Variants in C4BPB observed in about 807,000 individuals in gnomAD.
C4BPB encodes complement component 4 binding protein beta, also known as C4b-binding protein beta chain.
In C4BPB, 19 loss-of-function variants were observed where a neutral mutation model predicts 26.6. That is an observed-to-expected ratio of 0.71 (90% CI 0.50 to 1.05). The LOEUF (loss-of-function observed/expected upper bound fraction) is 1.05, where lower values mean the gene tolerates loss of function less well. Among genes scored for constraint, C4BPB ranks in the 50% least tolerant of loss-of-function variants. C4BPB has a pLI of 0.00. For missense variants in C4BPB, 282 were observed against 302.9 expected, an observed-to-expected ratio of 0.93 and a Z score of 0.51; for synonymous variants, 118 against 103.5, an observed-to-expected ratio of 1.14 and a Z score of -0.85.
Position 207,091,672 on chromosome 1 carries a change from G to T in C4BPB, c.261G>T (p.Val87=). 6.2e-7 allele frequency: 1 copy of T among 1,614,006 alleles called. No homozygotes were observed. Among genetic ancestry groups the T allele is most frequent in the South Asian group, 1.1e-5 (1 of 91,070 alleles). Reference sequence around the variant, plus strand: ...GCCACTGTCCTGATCCTGTGCTGGTGAATGGAGAGTTCAGTTCTTCAGGGC... The same window carrying T: ...GCCACTGTCCTGATCCTGTGCTGGTTAATGGAGAGTTCAGTTCTTCAGGGC... ...RLGHCPDPVL[V]NGEFSSSGPV... is the part of the protein sequence containing the mutation. Residue 87 remains valine, a synonymous_variant, in exon 4 of 7, where the codon GTG becomes GTT. Coordinates refer to ENST00000367078, the MANE Select transcript of C4BPB (RefSeq NM_001017365.3).
At chr1:207,091,895 C>A in intron 4 of C4BPB, 75 bp downstream of exon 4, 1 of 1,257,174 alleles carries the variant, frequency 8.0e-7, no homozygotes, top group Non-Finnish European at 1.1e-6. Context: ...TGCCACATCC[C>A]TGGGATGCTT....
At position 207,089,581 on chromosome 1, in the gene C4BPB, C is replaced by T; in HGVS notation, c.50C>T (p.Ala17Val). The change falls in exon 2 of 7, where the codon GCT becomes GTT. Residue 17 changes from alanine (A) to valine (V), a missense_variant. Coordinates refer to ENST00000367078, the MANE Select transcript of C4BPB (RefSeq NM_001017365.3). The stretch of plus-strand genomic sequence containing the variant: ...CTTATGGTTGCGTGGCGAGTTTCTG[C>T]TTCAGATGGTACGTATGCTTTCCTT... ...CCLMVAWRVS[A>V]SDAEHCPELP... 1 of 1,613,988 alleles carries T rather than the reference C, an allele frequency of 6.2e-7. No individual in the cohort carries two copies. Among genetic ancestry groups the T allele is most frequent in the South Asian group, 1.1e-5 (1 of 91,082 alleles).
chr1:207,099,532 T>G (rs935052128), intron 6 of C4BPB, among the ~76,000 whole-genome samples: 5 of 152,208 alleles, frequency 3.3e-5, no homozygotes, highest in Admixed American at 1.3e-4. Flanking sequence ...GCTCCAAAAC[T>G]AAACAAACAA....
Position 207,099,899 on chromosome 1 carries a change from G to A in C4BPB, c.729G>A (p.Lys243=). The A allele has an allele frequency of 6.2e-7, 1 of 1,613,562 alleles. No individual in the cohort carries two copies. The highest frequency in any genetic ancestry group is 1.3e-5 in the African/African-American group (1 of 75,038). The part of the protein sequence containing the change: ...MEELKYSLEL[K]KAELKAKLL Reference sequence around the variant, plus strand: ...AGCTAAAATATTCTCTGGAGCTGAAGAAAGCTGAGTTGAAGGCAAAATTGT... The same window carrying A: ...AGCTAAAATATTCTCTGGAGCTGAAAAAAGCTGAGTTGAAGGCAAAATTGT... The change falls in exon 7 of 7, where the codon AAG becomes AAA. Residue 243 remains lysine (K), a synonymous_variant. Transcript: ENST00000367078.
intron 4 of C4BPB, among the ~76,000 whole-genome samples, chr1:207,092,062 C>G (rs554721415): frequency 3.9e-4 from 59 of 152,300 alleles, no homozygotes; most frequent in Non-Finnish European, 6.9e-4. Flanking sequence ...GGGGTCCTGT[C>G]CTACTAGGTG....
chr1:207,092,466 C>T (rs1305773376), intron 4 of C4BPB, among the ~76,000 whole-genome samples: 1 of 151,960 alleles, frequency 6.6e-6, no homozygotes, highest in Non-Finnish European at 1.5e-5. Context: ...TACACCAGTC[C>T]ATGTAGCTCT....
rs770649430 is a variant in C4BPB at position 207,098,279 on chromosome 1, C to T, written c.618+15C>T. On this transcript the variant is annotated intron_variant, in intron 6 of 6. Coordinates refer to ENST00000367078, the MANE Select transcript of C4BPB (RefSeq NM_001017365.3). ...AGAAGGCACTTGTAAGTAGGAGGCTCATATCTGTCTTGTTCACAGCTGGAT... is the reference window on the plus strand; with the variant it reads ...AGAAGGCACTTGTAAGTAGGAGGCTTATATCTGTCTTGTTCACAGCTGGAT... 2 of 1,462,458 alleles carry T rather than the reference C, an allele frequency of 1.4e-6. No homozygotes were observed. The highest frequency in any genetic ancestry group is 9.6e-7 in the Non-Finnish European group (1 of 1,041,804). 90.6% of individuals were successfully genotyped at this position (1,462,458 alleles called of 1,614,324 possible). A position where few individuals can be genotyped will look rare whatever the true frequency, so the allele number is the denominator to read the frequency against.
In C4BPB at chr1:207,091,658, G is replaced by A. The variant is rs1471899510; in HGVS notation, c.247G>A (p.Asp83Asn). 2 of 1,613,708 alleles carry A rather than the reference G, an allele frequency of 1.2e-6. No individual in the cohort carries two copies. Among genetic ancestry groups the A allele is most frequent in the Non-Finnish European group, 8.5e-7 (1 of 1,179,862 alleles). ...TTCTTCTTCAGTGGGCCACTGTCCT[G>A]ATCCTGTGCTGGTGAATGGAGAGTT... is the stretch of plus-strand genomic sequence containing the variant. The part of the protein sequence containing the change: ...TTECRLGHCP[D>N]PVLVNGEFSS... The change falls in exon 4 of 7, where the codon GAT (aspartate) becomes AAT (asparagine). Residue 83 changes from aspartate to asparagine, a missense_variant. By Grantham distance (23) the Asp-to-Asn change is conservative. Coordinates refer to ENST00000367078, the MANE Select transcript of C4BPB (RefSeq NM_001017365.3).
chr1:207,097,540 TA>T lies in C4BPB; in HGVS notation c.504-589del, dbSNP rs36078505. ...GCCTGGCCTAAAATGTATGTTTTTCTAAAAAAAAAAAAAAAAAAAAATCAGA... is the reference window on the plus strand; with the variant it reads ...GCCTGGCCTAAAATGTATGTTTTTCTAAAAAAAAAAAAAAAAAAAATCAGA... On this transcript the variant is annotated intron_variant, in intron 5 of 6. Coordinates refer to ENST00000367078, the MANE Select transcript of C4BPB (RefSeq NM_001017365.3). Among the ~76,000 whole-genome samples the T allele has an allele frequency of 7.7e-3, 890 of 115,850 alleles. 32 individuals are homozygous for T. The highest frequency in any genetic ancestry group is 0.066 in the Admixed American group (741 of 11,198). The allele number at this position is 115,850 out of a possible 152,430, so 76.0% of individuals were successfully genotyped here.
rs1683934143 is a variant in C4BPB at position 207,089,479 on chromosome 1, C to G, written c.-50-3C>G. 3 of 1,531,768 alleles carry G rather than the reference C, an allele frequency of 2.0e-6. No homozygotes were observed. Among genetic ancestry groups the G allele is most frequent in the Non-Finnish European group, 2.7e-6 (3 of 1,106,580 alleles). The allele number at this position is 1,531,768 out of a possible 1,614,324, so 94.9% of individuals were successfully genotyped here. On this transcript the variant is annotated splice_polypyrimidine_tract_variant and splice_region_variant and intron_variant, in intron 1 of 6. Coordinates refer to ENST00000367078, the MANE Select transcript of C4BPB (RefSeq NM_001017365.3). ...TTAGAAGATCTATTTTTTTTCAAAC[C>G]AGGTGTCTGAGCTGGGTGAATTCCA...
At position 207,091,651 on chromosome 1, in the gene C4BPB, C is replaced by T. The variant is rs150433138; in HGVS notation, c.240C>T (p.His80=). ...GCTTATTTTCTTCTTCAGTGGGCCA[C>T]TGTCCTGATCCTGTGCTGGTGAATG... ...DNTTTECRLG[H]CPDPVLVNGE... The change falls in exon 4 of 7, where the codon CAC becomes CAT. Residue 80 remains histidine (H), a synonymous_variant. Coordinates refer to ENST00000367078, the MANE Select transcript of C4BPB (RefSeq NM_001017365.3). 3.7e-6 allele frequency: 6 copies of T among 1,612,726 alleles called. No individual in the cohort carries two copies. In the African/African-American group the frequency reaches 8.0e-5, roughly 22 times the overall value.
At chr1:207,097,808 G>C (rs1684316988) in intron 5 of C4BPB, 1 of 179,994 alleles carries the variant, frequency 5.6e-6, no homozygotes, top group African/African-American at 2.4e-5. Flanking sequence ...CTCCTTTTTA[G>C]AGCTTAGATG....
chr1:207,097,690 T>G (rs1416148657), intron 5 of C4BPB: 1 of 164,292 alleles, frequency 6.1e-6, no homozygotes, highest in African/African-American at 2.4e-5. Context: ...TCTCGTTATA[T>G]ACCTTCAATG....
Position 207,089,418 on chromosome 1 carries a change from C to A in C4BPB, c.-50-64C>A, listed in dbSNP as rs990678935. ...AGGGTAAATCAATATAACCTCTTCT[C>A]TAGAGAGGAGGTGGTTAGGTTGGTC... On this transcript the variant is annotated intron_variant, in intron 1 of 6. Coordinates refer to ENST00000367078, the MANE Select transcript of C4BPB (RefSeq NM_001017365.3). 4.5e-5 allele frequency: 37 copies of A among 822,644 alleles called. No homozygotes were observed. In the Admixed American group the frequency reaches 5.1e-4, roughly 11 times the overall value. The allele number at this position is 822,644 out of a possible 1,614,324, so 51.0% of individuals were successfully genotyped here.
intron 3 of C4BPB, among the ~76,000 whole-genome samples, chr1:207,090,706 T>A (rs908276866): frequency 1.3e-5 from 2 of 152,218 alleles, no homozygotes; most frequent in Admixed American, 6.5e-5. Flanking sequence ...ATTCCCTCTA[T>A]GGGAAAGAAA....
chr1:207,090,402 G>T lies in C4BPB; in HGVS notation c.153G>T (p.Lys51Asn), dbSNP rs779729370. The T allele has an allele frequency of 4.6e-5, 75 of 1,613,904 alleles. No individual in the cohort carries two copies. The highest frequency in any genetic ancestry group is 5.8e-5 in the Non-Finnish European group (69 of 1,179,940). The part of the protein sequence containing the change: ...GQILGTYVCI[K>N]GYHLVGKKTL... ...TTCTGGGGACTTACGTTTGTATCAA[G>T]GGCTACCACCTGGTAGGAAAGAAGA... Residue 51 changes from lysine (K) to asparagine (N), a missense_variant, in exon 3 of 7, where the codon AAG becomes AAT. Physicochemically the swap from Lys to Asn is moderately conservative, Grantham distance 94. Transcript: ENST00000367078.
At chr1:207,089,189 T>C (rs1572749667) in intron 1 of C4BPB, 1 of 268,964 alleles carries the variant, frequency 3.7e-6, no homozygotes, top group Middle Eastern at 1.1e-3. Flanking sequence ...CCCATGTTTG[T>C]TGGGGAAGGA....
In C4BPB at chr1:207,091,971, A is replaced by T. The variant is rs577492463; in HGVS notation, c.409+151A>T. On this transcript the variant is annotated intron_variant, in intron 4 of 6. Coordinates refer to ENST00000367078, the MANE Select transcript of C4BPB (RefSeq NM_001017365.3). ...GACAGCCATGAAACAAGTGGAGCTC[A>T]CAGAACCAAATCTCACCTCAAGAGA... 10 of 632,706 alleles carry T rather than the reference A, an allele frequency of 1.6e-5. No individual in the cohort carries two copies. The African/African-American group carries it at 1.8e-4, about 12-fold the overall frequency. 39.2% of individuals were successfully genotyped at this position (632,706 alleles called of 1,614,324 possible). A position where few individuals can be genotyped will look rare whatever the true frequency, so the allele number is the denominator to read the frequency against.
intron 4 of C4BPB, among the ~76,000 whole-genome samples, chr1:207,092,998 A>G (rs529986933): frequency 4.2e-4 from 64 of 152,344 alleles, no homozygotes; most frequent in Non-Finnish European, 8.2e-4. Context: ...TTTGCAGAAT[A>G]TACTTCAAAT....
Sources: allele counts gnomAD v4.1 joint callset (sites outside exome capture counted in the v4.1 genomes callset), GRCh38; gene constraint gnomAD v4.1.1; transcripts MANE v1.5; gene names NCBI Gene and HGNC (gene_info 2026-07-23, HGNC 2026-07-21).